The following ARHGAP15 variants were observed in gnomAD, a reference collection of about 807,000 sequenced individuals.
ARHGAP15 encodes the protein Rho GTPase activating protein 15.
A neutral mutation model predicts 63.7 loss-of-function variants in ARHGAP15; 51 were observed. The observed-to-expected ratio is 0.80, with a 90% CI of 0.64 to 1.01. The LOEUF (loss-of-function observed/expected upper bound fraction) is 1.01. ARHGAP15 is among the 50% of genes least tolerant of loss of function. ARHGAP15 has a pLI of 0.00. For synonymous variants in ARHGAP15, 191 were observed against 193.8 expected (o/e 0.99, Z 0.12); for missense variants, 560 against 564.6 (o/e 0.99, Z 0.08).
chr2:143,480,967 G>T (rs1352591072), intron 8 of ARHGAP15, among the ~76,000 whole-genome samples: 1 of 152,136 alleles, frequency 6.6e-6, no homozygotes, highest in Non-Finnish European at 1.5e-5. Context: ...GTTAAGCAGG[G>T]TAATTCCAAT....
At chr2:143,290,860 T>C (rs1409191120) in intron 6 of ARHGAP15, among the ~76,000 whole-genome samples, 1 of 151,984 alleles carries the variant, frequency 6.6e-6, no homozygotes, top group South Asian at 2.1e-4. Context: ...TCAAGTAGAG[T>C]ATGATAGCCG....
chr2:143,435,794 G>T (rs1689588872), intron 7 of ARHGAP15, 95 bp downstream of exon 7: 8 of 1,247,636 alleles, frequency 6.4e-6, no homozygotes, highest in Admixed American at 2.9e-5. Flanking sequence ...CATTTAAATA[G>T]ATCCTATGGA....
At chr2:143,238,739 C>G (rs1693750202) in intron 5 of ARHGAP15, among the ~76,000 whole-genome samples, 1 of 152,110 alleles carries the variant, frequency 6.6e-6, no homozygotes, top group East Asian at 1.9e-4. Flanking sequence ...AAGACACATG[C>G]ACGTGTATGT....
At chr2:143,389,892 A>C (rs1687463054) in intron 6 of ARHGAP15, among the ~76,000 whole-genome samples, 1 of 152,134 alleles carries the variant, frequency 6.6e-6, no homozygotes, top group Non-Finnish European at 1.5e-5. Flanking sequence ...TTTTCCATAA[A>C]AGCAACTTTG....
intron 11 of ARHGAP15, among the ~76,000 whole-genome samples, chr2:143,611,454 G>T (rs946904620): frequency 6.6e-6 from 1 of 152,124 alleles, no homozygotes; most frequent in Non-Finnish European, 1.5e-5. Flanking sequence ...TATAAAATCC[G>T]TGAATACTAC....
chr2:143,173,924 G>A (rs978359591), intron 2 of ARHGAP15, among the ~76,000 whole-genome samples: 1 of 152,030 alleles, frequency 6.6e-6, no homozygotes, highest in African/African-American at 2.4e-5. Flanking sequence ...AAAATTAATC[G>A]CTTTTCAAGG....
chr2:143,215,451 G>A (rs1289118568), intron 3 of ARHGAP15, among the ~76,000 whole-genome samples: 3 of 152,040 alleles, frequency 2.0e-5, no homozygotes, highest in African/African-American at 7.2e-5. Flanking sequence ...TAAGACTTTT[G>A]TGAGATGAAG....
chr2:143,726,511 C>G (rs1322457923), intron 13 of ARHGAP15, among the ~76,000 whole-genome samples: 1 of 152,156 alleles, frequency 6.6e-6, no homozygotes, highest in Non-Finnish European at 1.5e-5. Flanking sequence ...GGTACCACAC[C>G]CACACCTACT....
chr2:143,543,721 C>T (rs74974806), intron 10 of ARHGAP15, among the ~76,000 whole-genome samples: 1 of 151,972 alleles, frequency 6.6e-6, no homozygotes, highest in Non-Finnish European at 1.5e-5. Context: ...CAATGTAGAT[C>T]TATGTGACAA....
chr2:143,471,279 A>G (rs904509267), intron 8 of ARHGAP15, among the ~76,000 whole-genome samples: 4 of 147,836 alleles, frequency 2.7e-5, no homozygotes, highest in Non-Finnish European at 4.4e-5. Context: ...CATAGAGAGC[A>G]TGCATTTATT....
At chr2:143,212,079 T>A (rs1692583695) in intron 3 of ARHGAP15, among the ~76,000 whole-genome samples, 1 of 152,184 alleles carries the variant, frequency 6.6e-6, no homozygotes, top group South Asian at 2.1e-4. Context: ...TTTGGTGGAA[T>A]GGTGTAGATG....
chr2:143,217,976 A>G (rs1162959525), intron 4 of ARHGAP15, among the ~76,000 whole-genome samples: 1 of 152,148 alleles, frequency 6.6e-6, no homozygotes, highest in Non-Finnish European at 1.5e-5. Context: ...GGTTTTGTAA[A>G]GTATCCTTGT....
intron 6 of ARHGAP15, among the ~76,000 whole-genome samples, chr2:143,252,831 G>A (rs780223009): frequency 6.6e-6 from 1 of 152,038 alleles, no homozygotes; most frequent in Non-Finnish European, 1.5e-5. Context: ...TTGCCAGAGA[G>A]CTAAATCTAG....
chr2:143,544,365 C>T (rs1183561082), intron 10 of ARHGAP15, among the ~76,000 whole-genome samples: 1 of 152,010 alleles, frequency 6.6e-6, no homozygotes, highest in Non-Finnish European at 1.5e-5. Flanking sequence ...TCTGTGGGGA[C>T]ATAAACTCAT....
intron 9 of ARHGAP15, among the ~76,000 whole-genome samples, chr2:143,498,162 C>CA (rs921779557): frequency 4.0e-5 from 6 of 151,804 alleles, no homozygotes; most frequent in Non-Finnish European, 7.4e-5. Context: ...TTCTAAGATT[C>CA]AAAAAAAACT....
intron 8 of ARHGAP15, among the ~76,000 whole-genome samples, chr2:143,443,761 C>T (rs1426668339): frequency 6.6e-6 from 1 of 152,134 alleles, no homozygotes; most frequent in Non-Finnish European, 1.5e-5. Context: ...CAAGCATCCA[C>T]ATTAATTTAT....
intron 13 of ARHGAP15, among the ~76,000 whole-genome samples, chr2:143,755,093 ACT>A (rs1177673366): frequency 6.6e-6 from 1 of 151,976 alleles, no homozygotes; most frequent in Non-Finnish European, 1.5e-5. Context: ...CAGAATGCTC[ACT>A]CTTTCATCAT....
At chr2:143,572,051 T>G (rs1250153805) in intron 11 of ARHGAP15, 2 of 152,204 alleles carry the variant, frequency 1.3e-5, no homozygotes, top group Non-Finnish European at 2.9e-5. Flanking sequence ...TCAGTACTGG[T>G]TTTAGTCTAT....
chr2:143,687,751 G>T (rs1345502339), intron 12 of ARHGAP15, among the ~76,000 whole-genome samples: 1 of 152,052 alleles, frequency 6.6e-6, no homozygotes, highest in Admixed American at 6.6e-5. Flanking sequence ...CCAACACAGA[G>T]AATTACTTTT....
Sources: allele counts gnomAD v4.1 joint callset (sites outside exome capture counted in the v4.1 genomes callset), GRCh38; gene constraint gnomAD v4.1.1; transcripts MANE v1.5; gene names NCBI Gene and HGNC (gene_info 2026-07-23, HGNC 2026-07-21).